The following AKAP6 variants were observed in gnomAD, a reference collection of about 807,000 sequenced individuals.
AKAP6 encodes the protein A-kinase anchoring protein 6, also known as A-kinase anchor protein 6.
A neutral mutation model predicts 188.5 loss-of-function variants in AKAP6; 58 were observed. The ratio of observed to expected loss-of-function variants is 0.31; its 90% confidence interval spans 0.25 to 0.38. AKAP6 has a LOEUF of 0.38. Ranked by LOEUF, AKAP6 falls within the 10% of genes least tolerant of loss-of-function variation. AKAP6 has a pLI of 1.00. For missense variants in AKAP6, 2,710 were observed against 2,740.0 expected, an observed-to-expected ratio of 0.99 and a Z score of 0.24; for synonymous variants, 989 against 998.6, an observed-to-expected ratio of 0.99 and a Z score of 0.18.
At chr14:32,679,191 GT>G (rs1267856946) in intron 8 of AKAP6, among the ~76,000 whole-genome samples, 1 of 152,010 alleles carries the variant, frequency 6.6e-6, no homozygotes, top group Non-Finnish European at 1.5e-5. Context: ...AAATATATGT[GT>G]GTATATATGT....
rs919312106 is a variant in AKAP6, at chr14:32,568,581, C to A, written c.2347-8539C>A. Among the ~76,000 whole-genome samples the A allele has an allele frequency of 6.6e-6, 1 of 152,106 alleles. No homozygotes were observed. The highest frequency in any genetic ancestry group is 6.6e-5 in the Admixed American group (1 of 15,262). Reference sequence around the variant, plus strand: ...GATAAAGATGATCTGATCTGCTTATCCAGTGTCTTGGAGGATTGGGGGTGC... The same window carrying A: ...GATAAAGATGATCTGATCTGCTTATACAGTGTCTTGGAGGATTGGGGGTGC... On this transcript the variant is annotated intron_variant, in intron 4 of 13. Transcript: ENST00000280979. This position sits in a 1 kb window ranked among gnomAD's most constrained non-coding sequence, Gnocchi z 6.2.
At chr14:32,540,192 A>ATATATATATATATATTTTTT (rs1406480125) in intron 3 of AKAP6, among the ~76,000 whole-genome samples, 7 of 123,422 alleles carry the variant, frequency 5.7e-5, no homozygotes, top group Non-Finnish European at 8.5e-5. Flanking sequence ...ATATATATAT[A>ATATATATATATATATTTTTT]TTTTAATTTT....
chr14:32,767,860 C>T (rs1385744871), intron 11 of AKAP6, among the ~76,000 whole-genome samples: 1 of 152,180 alleles, frequency 6.6e-6, no homozygotes, highest in African/African-American at 2.4e-5. Context: ...CATGGCCTCA[C>T]TATTCTCAAA....
At chr14:32,422,339 A>G (rs1432340496) in intron 1 of AKAP6, among the ~76,000 whole-genome samples, 1 of 152,146 alleles carries the variant, frequency 6.6e-6, no homozygotes, top group Non-Finnish European at 1.5e-5. Flanking sequence ...TTGATAATAC[A>G]CTAGAACAAC....
intron 1 of AKAP6, among the ~76,000 whole-genome samples, chr14:32,426,023 A>T (rs1191053701): frequency 6.6e-6 from 1 of 152,154 alleles, no homozygotes; most frequent in Non-Finnish European, 1.5e-5. Flanking sequence ...TAATTTTTGA[A>T]TATGGTGTTA....
chr14:32,520,463 C>T (rs1382789346), intron 2 of AKAP6, among the ~76,000 whole-genome samples: 1 of 151,816 alleles, frequency 6.6e-6, no homozygotes, highest in Non-Finnish European at 1.5e-5. Flanking sequence ...GACTAATAAA[C>T]AAGAAAAGAG....
intron 11 of AKAP6, among the ~76,000 whole-genome samples, chr14:32,772,974 C>T (rs2032945011): frequency 6.6e-6 from 1 of 152,186 alleles, no homozygotes; most frequent in Non-Finnish European, 1.5e-5. Context: ...AGGGTCACTG[C>T]AGCAATACAA....
intron 2 of AKAP6, among the ~76,000 whole-genome samples, chr14:32,489,410 A>C (rs993774387): frequency 6.6e-6 from 1 of 152,092 alleles, no homozygotes; most frequent in African/African-American, 2.4e-5. Context: ...ATGTCTCTCT[A>C]TGTTGCCTAG....
intron 2 of AKAP6, among the ~76,000 whole-genome samples, chr14:32,446,417 A>G (rs1890756978): frequency 1.3e-5 from 2 of 152,312 alleles, no homozygotes; most frequent in South Asian, 4.1e-4. Context: ...TGTAGGATAC[A>G]AGGTTTCCTT....
chr14:32,756,024 T>C (rs569246920), intron 11 of AKAP6, among the ~76,000 whole-genome samples: 4 of 152,228 alleles, frequency 2.6e-5, no homozygotes, highest in Non-Finnish European at 5.9e-5. Context: ...CTAGAGATTC[T>C]GAGTGTGACA....
intron 7 of AKAP6, among the ~76,000 whole-genome samples, chr14:32,659,263 C>G (rs1000001830): frequency 8.6e-5 from 13 of 152,044 alleles, no homozygotes; most frequent in Admixed American, 8.5e-4. Flanking sequence ...TAAATCTAAG[C>G]TGGAATGGGG....
intron 1 of AKAP6, among the ~76,000 whole-genome samples, chr14:32,357,129 A>G (rs1249714650): frequency 6.6e-6 from 1 of 152,186 alleles, no homozygotes; most frequent in African/African-American, 2.4e-5. Context: ...TTGCCAACAA[A>G]TATTTTTTGA....
intron 12 of AKAP6, among the ~76,000 whole-genome samples, chr14:32,774,743 T>A (rs918683647): frequency 2.1e-5 from 3 of 140,176 alleles, no homozygotes; most frequent in African/African-American, 9.8e-5. Context: ...ATAAATGGAA[T>A]GCATACATAC....
At chr14:32,804,515 C>G (rs939392988) in intron 12 of AKAP6, among the ~76,000 whole-genome samples, 2 of 152,128 alleles carry the variant, frequency 1.3e-5, no homozygotes, top group African/African-American at 2.4e-5. Flanking sequence ...GGGCAAAAAG[C>G]AGAACAAAGA....
chr14:32,777,143 A>C (rs1051548907), intron 12 of AKAP6, among the ~76,000 whole-genome samples: 8 of 151,956 alleles, frequency 5.3e-5, no homozygotes, highest in Non-Finnish European at 4.4e-5. Context: ...GGTCTTGCCC[A>C]AAAAAAACTT....
chr14:32,385,367 T>C (rs780381318), intron 1 of AKAP6, among the ~76,000 whole-genome samples: 2 of 151,458 alleles, frequency 1.3e-5, no homozygotes, highest in African/African-American at 2.4e-5. Flanking sequence ...TGTTATTTTT[T>C]ATTTGCAACT....
intron 2 of AKAP6, among the ~76,000 whole-genome samples, chr14:32,527,164 G>A (rs934005627): frequency 3.9e-5 from 6 of 152,102 alleles, no homozygotes; most frequent in Admixed American, 1.3e-4. Context: ...TGCCTTTTCC[G>A]GAATGTCATA....
intron 12 of AKAP6, among the ~76,000 whole-genome samples, chr14:32,807,069 A>AATATATATATATATAT (rs10570126): frequency 6.7e-6 from 1 of 149,502 alleles, no homozygotes; most frequent in Non-Finnish European, 1.5e-5. Flanking sequence ...AAGGGGGGGA[A>AATATATATATATATAT]ATATATATAT....
chr14:32,338,547 G>A (rs1434542597), intron 1 of AKAP6, among the ~76,000 whole-genome samples: 1 of 152,240 alleles, frequency 6.6e-6, no homozygotes, highest in African/African-American at 2.4e-5. Flanking sequence ...AAGGTGAGCA[G>A]GGAATAGGCA....
Sources: allele counts gnomAD v4.1 joint callset (sites outside exome capture counted in the v4.1 genomes callset), GRCh38; gene constraint gnomAD v4.1.1; non-coding constraint Gnocchi (gnomAD v3.1); transcripts MANE v1.5; gene names NCBI Gene and HGNC (gene_info 2026-07-23, HGNC 2026-07-21).